Variants in KIF25 observed in about 807,000 individuals in gnomAD.
KIF25 encodes kinesin family member 25, also known as kinesin-like protein KIF25.
In KIF25, 19 loss-of-function variants were observed where a neutral mutation model predicts 32.9. The observed-to-expected ratio is 0.58, with a 90% CI of 0.40 to 0.85. The LOEUF (loss-of-function observed/expected upper bound fraction) is 0.85, where lower values mean the gene tolerates loss of function less well. Ranked by LOEUF, KIF25 falls within the 40% of genes least tolerant of loss-of-function variation. The pLI, the probability that KIF25 is intolerant of heterozygous loss-of-function variation, is 0.00. For missense variants in KIF25, 485 were observed against 507.0 expected (o/e 0.96, Z 0.42); for synonymous variants, 225 against 213.7 (o/e 1.05, Z -0.46).
In KIF25 at chr6:168,040,213, A is replaced by G. The variant is rs765638328; in HGVS notation, c.643A>G (p.Thr215Ala). Reference protein sequence around the residue: ...TLTTASCSDSTADQACSATLP... With the variant: ...TLTTASCSDSAADQACSATLP... ...AACCACAGCCTCCTGCTCTGACAGC[A>G]CTGGTAAGTCACCATTTGTGCTTGG... The change falls in exon 10 of 13, where the codon ACT becomes GCT. Residue 215 changes from threonine to alanine, a missense_variant. Coordinates refer to ENST00000643607, the MANE Select transcript of KIF25 (RefSeq NM_030615.4). The G allele has an allele frequency of 2.5e-6, 4 of 1,610,370 alleles. No homozygotes were observed. The highest frequency in any genetic ancestry group is 2.2e-5 in the South Asian group (2 of 90,716).
intron 8 of KIF25, among the ~76,000 whole-genome samples, chr6:168,037,645 TTCTCTCTC>T (rs35282663): frequency 1.3e-3 from 197 of 146,862 alleles, no homozygotes; most frequent in African/African-American, 4.8e-3. Context: ...AAGGTTTTAT[TTCTCTCTC>T]TCTCTCTCTC....
chr6:167,999,716 G>A (rs185740486), intron 2 of KIF25, among the ~76,000 whole-genome samples: 52 of 152,270 alleles, frequency 3.4e-4, no homozygotes, highest in African/African-American at 1.0e-3. Flanking sequence ...CACCCACTCC[G>A]CCATGCAGGC....
intron 5 of KIF25, 114 bp from the exon 6 acceptor site, chr6:168,029,378 C>T: frequency 1.4e-6 from 1 of 695,322 alleles, no homozygotes; most frequent in Non-Finnish European, 2.2e-6. Flanking sequence ...CTTAACTAGA[C>T]AATTAAGGAA....
chr6:167,997,832 G>T lies in KIF25; in HGVS notation c.-1637G>T, dbSNP rs1325182289. Among the ~76,000 whole-genome samples the T allele has an allele frequency of 6.6e-6, 1 of 152,134 alleles. No individual in the cohort carries two copies. Among genetic ancestry groups the T allele is most frequent in the Non-Finnish European group, 1.5e-5 (1 of 68,030 alleles). ...GATTTTGATGGTTGCACTTTGGCCAGTTTCTCCGAATTCCACCTGCCCGAG... is the reference window on the plus strand; with the variant it reads ...GATTTTGATGGTTGCACTTTGGCCATTTTCTCCGAATTCCACCTGCCCGAG... On this transcript the variant is annotated 5_prime_UTR_variant, in exon 1 of 13. Transcript: ENST00000643607.
chr6:168,007,130 A>G (rs1237348602), intron 4 of KIF25, among the ~76,000 whole-genome samples: 1 of 152,212 alleles, frequency 6.6e-6, no homozygotes, highest in African/African-American at 2.4e-5. Context: ...CAGTTTTACA[A>G]CTGAGCATGG....
At position 168,011,802 on chromosome 6, in the gene KIF25, TA is replaced by T. The variant is rs537216192; in HGVS notation, c.-162-6169del. On this transcript the variant is annotated intron_variant, in intron 4 of 12. Coordinates refer to ENST00000643607, the MANE Select transcript of KIF25 (RefSeq NM_030615.4). ...TTCTCTTCTCTTTCTGGAATGCCCA[TA>T]ATACAAATATTGATTCACTTAATGC... 3.1e-4 allele frequency among the ~76,000 whole-genome samples: 47 copies of T among 152,330 alleles called. No homozygotes were observed. In the South Asian group the frequency reaches 8.7e-3, roughly 28 times the overall value.
At chr6:168,014,343 C>T (rs965865190) in intron 4 of KIF25, among the ~76,000 whole-genome samples, 8 of 152,208 alleles carry the variant, frequency 5.3e-5, no homozygotes, top group African/African-American at 1.7e-4. Context: ...TATTCATTCT[C>T]TTGGCAGTCC....
chr6:168,041,899 C>T (rs1312446333), intron 10 of KIF25, 70 bp from the exon 11 acceptor site: 1 of 1,468,388 alleles, frequency 6.8e-7, no homozygotes, highest in African/African-American at 1.4e-5. Flanking sequence ...TCGGCTCTGA[C>T]TGAGGCAAAG....
rs59450518 is a variant in KIF25 at position 168,041,949 on chromosome 6, C to T, written c.647-20C>T. The stretch of plus-strand genomic sequence containing the variant: ...TTCATGCAACTGTTTTCCTCCTCGT[C>T]GCTCCTTGGTCCCTTGCAGCAGACC... On this transcript the variant is annotated intron_variant, in intron 10 of 12. Transcript: ENST00000643607. 0.023 allele frequency: 35,207 copies of T among 1,549,104 alleles called. 1,103 individuals carry two copies. Among genetic ancestry groups the T allele is most frequent in the African/African-American group, 0.12 (8,803 of 73,040 alleles).
chr6:168,044,014 C>G (rs185157742), intron 12 of KIF25, among the ~76,000 whole-genome samples: 1 of 152,174 alleles, frequency 6.6e-6, no homozygotes, highest in Non-Finnish European at 1.5e-5. Flanking sequence ...AAGAACAGCC[C>G]CAGGGGGCTG....
At chr6:168,009,166 A>C (rs1798615439) in intron 4 of KIF25, among the ~76,000 whole-genome samples, 2 of 152,058 alleles carry the variant, frequency 1.3e-5, no homozygotes, top group Admixed American at 6.5e-5. Flanking sequence ...TCCTTAAAGA[A>C]AAAGCTGAAA....
chr6:168,043,057 G>T (rs114799179), intron 12 of KIF25, among the ~76,000 whole-genome samples: 1 of 152,148 alleles, frequency 6.6e-6, no homozygotes, highest in African/African-American at 2.4e-5. Flanking sequence ...GGGTCCCTCC[G>T]GCTGTGTAGA....
intron 6 of KIF25, 45 bp from the exon 7 acceptor site, chr6:168,030,728 T>C (rs1562388521): frequency 9.8e-6 from 15 of 1,534,348 alleles, no homozygotes; most frequent in Non-Finnish European, 1.2e-5. Context: ...CTAGAGCCGC[T>C]TTCTGCTGCT....
At chr6:168,044,803 G>T in intron 12 of KIF25, 24 bp from the exon 13 acceptor site, 1 of 1,562,646 alleles carries the variant, frequency 6.4e-7, no homozygotes, top group Non-Finnish European at 8.7e-7. Flanking sequence ...TTTCCAGCTT[G>T]CATGTTGTTT....
intron 6 of KIF25, 94 bp from the exon 7 acceptor site, chr6:168,030,679 A>G: frequency 1.2e-6 from 1 of 834,440 alleles, no homozygotes. Flanking sequence ...GATGGGAAGT[A>G]CACGGGGCGT....
chr6:168,039,429 G>A (rs763765729), intron 9 of KIF25, among the ~76,000 whole-genome samples: 13 of 152,258 alleles, frequency 8.5e-5, no homozygotes, highest in African/African-American at 3.1e-4. Flanking sequence ...GTTTGCCCCA[G>A]TGGGGGTGCA....
chr6:168,015,527 G>C (rs187530613), intron 4 of KIF25, among the ~76,000 whole-genome samples: 1 of 152,188 alleles, frequency 6.6e-6, no homozygotes, highest in East Asian at 1.9e-4. Flanking sequence ...AGAGGCAGGG[G>C]CCATGCGTCC....
In KIF25 at chr6:168,033,989, G is replaced by A. The variant is rs780918715; in HGVS notation, c.275G>A (p.Ser92Asn). 8.1e-6 allele frequency: 13 copies of A among 1,614,070 alleles called. No individual in the cohort carries two copies. The highest frequency in any genetic ancestry group is 1.1e-5 in the Non-Finnish European group (13 of 1,180,050). The part of the protein sequence containing the change: ...DGPVLPLDPQ[S>N]DLGIIPRVAE... ...CCTGTTCTGCCGCTTGACCCACAGA[G>A]TGACTTAGGAATTATCCCTAGAGTG... The change falls in exon 8 of 13, where the codon AGT becomes AAT. Residue 92 changes from serine to asparagine, a missense_variant. Ser to Asn is a conservative substitution (Grantham distance 46). Transcript: ENST00000643607.
rs35282663 is a variant in KIF25, at chr6:168,037,645, T to TTCTC, written c.318-886_318-883dup. Among the ~76,000 whole-genome samples, 1,444 of 146,852 alleles carry TTCTC rather than the reference T, an allele frequency of 9.8e-3. 19 individuals are homozygous for TTCTC. The highest frequency in any genetic ancestry group is 0.032 in the African/African-American group (1,238 of 38,182). The stretch of plus-strand genomic sequence containing the variant: ...TCTTGTTGTGGGATTAAGGTTTTAT[T>TTCTC]TCTCTCTCTCTCTCTCTCTCTCTCT... On this transcript the variant is annotated intron_variant, in intron 8 of 12. Transcript: ENST00000643607.
Sources: gnomAD v4.1 joint callset for allele counts (sites outside exome capture counted in the v4.1 genomes callset) on GRCh38, gnomAD v4.1.1 for gene constraint, MANE v1.5 for transcripts, NCBI Gene and HGNC (gene_info 2026-07-23, HGNC 2026-07-21) for gene names.